Variants in MYO18B observed in about 807,000 individuals in gnomAD.
MYO18B encodes the protein unconventional myosin-XVIIIb.
A neutral mutation model predicts 273.0 loss-of-function variants in MYO18B; 204 were observed. The ratio of observed to expected loss-of-function variants is 0.75; its 90% CI spans 0.67 to 0.84. The LOEUF is 0.84. Ranked by LOEUF, MYO18B falls within the 40% of genes least tolerant of loss-of-function variation. MYO18B has a pLI of 0.00. For synonymous variants in MYO18B, 1,330 were observed against 1,305.7 expected (o/e 1.02, Z -0.40); for missense variants, 3,212 against 3,287.6 (o/e 0.98, Z 0.56).
intron 34 of MYO18B, among the ~76,000 whole-genome samples, chr22:25,923,386 C>T (rs1461089986): frequency 2.0e-5 from 3 of 152,190 alleles, no homozygotes; most frequent in Non-Finnish European, 4.4e-5. Context: ...ATGGCCATGT[C>T]AGGAAGCCAG....
intron 35 of MYO18B, among the ~76,000 whole-genome samples, chr22:25,947,222 A>G (rs775472698): frequency 5.3e-5 from 8 of 152,046 alleles, no homozygotes; most frequent in Non-Finnish European, 5.9e-5. Context: ...CCCTCCGTAT[A>G]GGTAACCTGT....
intron 34 of MYO18B, among the ~76,000 whole-genome samples, chr22:25,929,413 G>A (rs1182340502): frequency 6.6e-6 from 1 of 152,152 alleles, no homozygotes; most frequent in Non-Finnish European, 1.5e-5. Flanking sequence ...GGAGACAGAA[G>A]CAGTTCCAAC....
intron 23 of MYO18B, 100 bp from the exon 24 acceptor site, chr22:25,876,089 C>T (rs1601431303): frequency 8.3e-7 from 1 of 1,205,924 alleles, no homozygotes; most frequent in East Asian, 2.6e-5. Context: ...GAAATAACCC[C>T]ACTTCCTCCA....
intron 32 of MYO18B, among the ~76,000 whole-genome samples, chr22:25,909,834 G>T (rs1330602938): frequency 5.3e-5 from 8 of 152,138 alleles, no homozygotes; most frequent in Non-Finnish European, 1.2e-4. Context: ...GGGAATGCTG[G>T]GGCTGTCTGG....
At chr22:25,836,859 G>C (rs1296292492) in intron 17 of MYO18B, among the ~76,000 whole-genome samples, 2 of 151,994 alleles carry the variant, frequency 1.3e-5, no homozygotes, top group African/African-American at 4.8e-5. Context: ...CTACTCGGGA[G>C]GCTGAGGCAG....
chr22:25,919,246 A>G (rs2092306202), intron 33 of MYO18B, among the ~76,000 whole-genome samples: 1 of 151,956 alleles, frequency 6.6e-6, no homozygotes, highest in Non-Finnish European at 1.5e-5. Context: ...GTGCCCCCAT[A>G]ATATATATTT....
At chr22:25,954,370 G>A (rs2092824721) in intron 38 of MYO18B, among the ~76,000 whole-genome samples, 1 of 152,014 alleles carries the variant, frequency 6.6e-6, no homozygotes. Context: ...ACATGTGGGG[G>A]AAAGGTTTTT....
At chr22:25,968,754 T>G (rs1188934379) in intron 39 of MYO18B, among the ~76,000 whole-genome samples, 5 of 152,156 alleles carry the variant, frequency 3.3e-5, no homozygotes, top group African/African-American at 1.2e-4. Flanking sequence ...CTCTGTGGAC[T>G]TGGGCACATC....
At chr22:25,815,853 A>G (rs924248241) in intron 12 of MYO18B, among the ~76,000 whole-genome samples, 33 of 152,108 alleles carry the variant, frequency 2.2e-4, no homozygotes, top group Admixed American at 3.9e-4. Flanking sequence ...TTTTCCCCCA[A>G]ACACCTGCTC....
intron 25 of MYO18B, among the ~76,000 whole-genome samples, chr22:25,878,662 G>A (rs1199817229): frequency 6.6e-6 from 1 of 152,254 alleles, no homozygotes; most frequent in Non-Finnish European, 1.5e-5. Flanking sequence ...CAATTAGGAA[G>A]TGCAAATTAA....
At chr22:25,904,275 A>C (rs532247821) in intron 31 of MYO18B, among the ~76,000 whole-genome samples, 1 of 152,216 alleles carries the variant, frequency 6.6e-6, no homozygotes, top group Non-Finnish European at 1.5e-5. Flanking sequence ...GGCCAGGTAC[A>C]TAGCTGATGC....
intron 39 of MYO18B, among the ~76,000 whole-genome samples, 170 bp downstream of exon 39, chr22:25,955,534 G>A (rs767287025): frequency 6.6e-5 from 10 of 152,172 alleles, no homozygotes; most frequent in Non-Finnish European, 1.5e-4. Context: ...AGACAACACC[G>A]TCATTGGCTG....
chr22:25,767,485 T>C (rs964017386), intron 3 of MYO18B, among the ~76,000 whole-genome samples: 6 of 152,226 alleles, frequency 3.9e-5, no homozygotes, highest in Non-Finnish European at 8.8e-5. Flanking sequence ...AAGATCTGGA[T>C]GGTCAGGTGG....
chr22:26,038,600 G>T, the MYO18B span, among the ~76,000 whole-genome samples: 1 of 152,044 alleles, frequency 6.6e-6, no homozygotes, highest in African/African-American at 2.4e-5. Context: ...CTCCTGGCAG[G>T]GTGCACTTTA....
intron 40 of MYO18B, among the ~76,000 whole-genome samples, chr22:25,996,694 T>C (rs988597044): frequency 6.6e-6 from 1 of 152,092 alleles, no homozygotes; most frequent in Non-Finnish European, 1.5e-5. Flanking sequence ...TAGGCAGTTG[T>C]AGCCTCCCAG....
Position 25,772,523 on chromosome 22 carries a change from C to G in MYO18B, c.1869+13C>G. The G allele has an allele frequency of 1.2e-6, 2 of 1,611,316 alleles. No individual in the cohort carries two copies. Among genetic ancestry groups the G allele is most frequent in the Non-Finnish European group, 1.7e-6 (2 of 1,178,788 alleles). ...TTCTGCAGGGAAGGTGAGGTGGGAC[C>G]ATTGTGGGCAGGGCTGAGGGGCTGA... On this transcript the variant is annotated intron_variant, in intron 7 of 43. Transcript: ENST00000335473.
the MYO18B span, among the ~76,000 whole-genome samples, chr22:26,054,491 C>T: frequency 8.5e-5 from 13 of 152,148 alleles, no homozygotes; most frequent in Admixed American, 2.0e-4. Flanking sequence ...CCTCTGTGAA[C>T]GAGAACAAGC....
chr22:25,787,280 A>G (rs879922604), intron 11 of MYO18B, among the ~76,000 whole-genome samples: 17 of 8,868 alleles, frequency 1.9e-3, no homozygotes, highest in Non-Finnish European at 5.4e-3. Context: ...GCGCACACAC[A>G]CACACACACA....
At chr22:25,960,188 C>T (rs1197864594) in intron 39 of MYO18B, among the ~76,000 whole-genome samples, 1 of 152,146 alleles carries the variant, frequency 6.6e-6, no homozygotes, top group East Asian at 1.9e-4. Flanking sequence ...TGTACTATTC[C>T]TGGAGACTCC....
Sources: allele counts gnomAD v4.1 joint callset (sites outside exome capture counted in the v4.1 genomes callset), GRCh38; gene constraint gnomAD v4.1.1; transcripts MANE v1.5; gene names NCBI Gene and HGNC (gene_info 2026-07-23, HGNC 2026-07-21).